Variants in MYT1L observed in about 807,000 individuals in gnomAD.
The protein encoded by MYT1L is myelin transcription factor 1 like, also known as myelin transcription factor 1-like protein.
A neutral mutation model predicts 126.7 loss-of-function variants in MYT1L; 12 were observed. The observed-to-expected ratio is 0.09, with a 90% confidence interval of 0.06 to 0.15. MYT1L has a LOEUF of 0.15. MYT1L is among the 10% of genes least tolerant of loss of function. The pLI is 1.00. For synonymous variants in MYT1L, 541 were observed against 604.2 expected, an observed-to-expected ratio of 0.90 and a Z score of 1.53; for missense variants, 979 against 1,585.2, an observed-to-expected ratio of 0.62 and a Z score of 6.49.
rs114453760 is a variant in MYT1L at position 1,932,641 on chromosome 2, C to T, written c.506-9378G>A. ...AAAATGAAGCAAAATCAAAAGACAA[C>T]GGACAGTACGTGGGATGGGGGGTCG... On this transcript the variant is annotated intron_variant, in intron 9 of 24. Coordinates refer to ENST00000647738, the MANE Select transcript of MYT1L (RefSeq NM_001303052.2). Among the ~76,000 whole-genome samples, 238 of 152,242 alleles carry T rather than the reference C, an allele frequency of 1.6e-3. 1 individual carries two copies. The highest frequency in any genetic ancestry group is 5.5e-3 in the African/African-American group (228 of 41,560).
At chr2:2,024,752 G>A (rs112662099) in intron 4 of MYT1L, among the ~76,000 whole-genome samples, 1,874 of 152,312 alleles carry the variant, frequency 0.012, 41 homozygotes, top group African/African-American at 0.042. Flanking sequence ...GCCAGCCGCA[G>A]TCCACCAATT....
At chr2:2,212,571 A>T (rs2093558197) in intron 2 of MYT1L, among the ~76,000 whole-genome samples, 2 of 152,158 alleles carry the variant, frequency 1.3e-5, no homozygotes, top group African/African-American at 4.8e-5. Flanking sequence ...AGTAAGTATA[A>T]ATGGTATTTA....
At chr2:2,253,620 G>A (rs2094718469) in intron 2 of MYT1L, among the ~76,000 whole-genome samples, 1 of 152,148 alleles carries the variant, frequency 6.6e-6, no homozygotes, top group Admixed American at 6.5e-5. Flanking sequence ...AGAGCTGAGA[G>A]GAGAAAAAAC....
At chr2:2,165,468 A>T (rs1213480345) in intron 3 of MYT1L, among the ~76,000 whole-genome samples, 1 of 152,216 alleles carries the variant, frequency 6.6e-6, no homozygotes, top group Admixed American at 6.5e-5. Flanking sequence ...AGAAGAAAAC[A>T]CATTCTCTCA....
intron 11 of MYT1L, among the ~76,000 whole-genome samples, chr2:1,913,410 G>A (rs1194399006): frequency 6.6e-6 from 1 of 152,132 alleles, no homozygotes; most frequent in Non-Finnish European, 1.5e-5. Flanking sequence ...GGTCACAGGA[G>A]GGTTCCTTTC....
At chr2:2,043,798 T>G (rs1445168879) in intron 4 of MYT1L, among the ~76,000 whole-genome samples, 1 of 152,220 alleles carries the variant, frequency 6.6e-6, no homozygotes, top group East Asian at 1.9e-4. Context: ...AATGCATGAA[T>G]ATGGTACATA....
chr2:2,263,926 G>A (rs2095056675), intron 2 of MYT1L, among the ~76,000 whole-genome samples: 1 of 152,142 alleles, frequency 6.6e-6, no homozygotes, highest in Non-Finnish European at 1.5e-5. Context: ...TCTGCACATT[G>A]TGCACATGTA....
intron 8 of MYT1L, among the ~76,000 whole-genome samples, chr2:1,944,062 G>A (rs2056955484): frequency 6.6e-6 from 1 of 152,084 alleles, no homozygotes; most frequent in Admixed American, 6.6e-5. Flanking sequence ...CTTCCTTACA[G>A]CAGAAGCTCA....
chr2:1,938,565 CCT>C (rs1482643852), intron 9 of MYT1L, among the ~76,000 whole-genome samples: 1 of 152,074 alleles, frequency 6.6e-6, no homozygotes, highest in African/African-American at 2.4e-5. Context: ...GGTATTATCC[CCT>C]GTTGTTCAAA....
In MYT1L at chr2:2,224,122, C is replaced by A. The variant is rs12052817; in HGVS notation, c.-420-51134G>T. The stretch of plus-strand genomic sequence containing the variant: ...TGGGGAGTTATCTAAGGAGGACAAG[C>A]CTGTCTGAGGGCATAACCCCACTTC... On this transcript the variant is annotated intron_variant, in intron 2 of 24. Transcript: ENST00000647738. This position sits in a 1 kb window ranked among gnomAD's most constrained non-coding sequence, Gnocchi z 4.0. Among the ~76,000 whole-genome samples the A allele has an allele frequency of 0.045, 6,859 of 152,230 alleles. 173 individuals are homozygous for A. Among genetic ancestry groups the A allele is most frequent in the Middle Eastern group, 0.099 (29 of 294 alleles).
At position 2,217,690 on chromosome 2, in the gene MYT1L, ACAACAACAACAACAAC is replaced by A. The variant is rs1320630467; in HGVS notation, c.-420-44718_-420-44703del. Among the ~76,000 whole-genome samples the A allele has an allele frequency of 4.1e-3, 462 of 112,442 alleles. 20 individuals carry two copies. The highest frequency in any genetic ancestry group is 0.016 in the African/African-American group (395 of 24,876). 73.8% of individuals were successfully genotyped at this position (112,442 alleles called of 152,430 possible). A position where few individuals can be genotyped will look rare whatever the true frequency, so the allele number is the denominator to read the frequency against. On this transcript the variant is annotated intron_variant, in intron 2 of 24. Transcript: ENST00000647738. ...CATCTCAACAACAACAACAACAACA[ACAACAACAACAACAAC>A]AAAAAAAAAAAAAGAAAGAAGGAAA...
chr2:1,882,603 T>C (rs1295098728), intron 18 of MYT1L, among the ~76,000 whole-genome samples: 1 of 152,188 alleles, frequency 6.6e-6, no homozygotes, highest in Non-Finnish European at 1.5e-5. Flanking sequence ...GCAGTTGTAA[T>C]TCACAGAGTT....
At chr2:2,132,537 A>G (rs888114978) in intron 3 of MYT1L, among the ~76,000 whole-genome samples, 3 of 148,786 alleles carry the variant, frequency 2.0e-5, no homozygotes, top group South Asian at 4.5e-4. Flanking sequence ...GAACACATGG[A>G]CACAGAGAGG....
intron 3 of MYT1L, among the ~76,000 whole-genome samples, chr2:2,121,913 C>G (rs2081069424): frequency 6.6e-6 from 1 of 152,226 alleles, no homozygotes; most frequent in African/African-American, 2.4e-5. Flanking sequence ...GTTTCTGCCA[C>G]ATGAGACCAC....
At chr2:1,908,462 C>T (rs1268754579) in intron 13 of MYT1L, among the ~76,000 whole-genome samples, 3 of 151,756 alleles carry the variant, frequency 2.0e-5, no homozygotes, top group South Asian at 2.1e-4. Context: ...CAGGGCAGCC[C>T]GAAGGTGGGC....
rs73911364 is a variant in MYT1L, at chr2:2,110,540, C to T, written c.-303-56417G>A. Among the ~76,000 whole-genome samples, 1,298 of 151,800 alleles carry T rather than the reference C, an allele frequency of 8.6e-3. 21 individuals carry two copies. The highest frequency in any genetic ancestry group is 0.026 in the African/African-American group (1,082 of 41,358). On this transcript the variant is annotated intron_variant, in intron 3 of 24. Coordinates refer to ENST00000647738, the MANE Select transcript of MYT1L (RefSeq NM_001303052.2). ...CTATTAGCTTTGCCTGTCCCTGCCTCCCTCTGTCCCTGTCCCTCCCTCCCT... is the reference window on the plus strand; with the variant it reads ...CTATTAGCTTTGCCTGTCCCTGCCTTCCTCTGTCCCTGTCCCTCCCTCCCT...
At chr2:2,262,011 T>G (rs73913294) in intron 2 of MYT1L, among the ~76,000 whole-genome samples, 2,450 of 152,292 alleles carry the variant, frequency 0.016, 63 homozygotes, top group African/African-American at 0.056. Context: ...CCAACTCAAA[T>G]TAGAGTCATG....
At chr2:1,970,870 A>C (rs1465224630) in intron 8 of MYT1L, among the ~76,000 whole-genome samples, 30 of 152,212 alleles carry the variant, frequency 2.0e-4, no homozygotes, top group Admixed American at 2.0e-3. Context: ...TTATTAGTTC[A>C]AGAAATCAGA....
At chr2:1,891,866 G>A (rs2048923263) in intron 15 of MYT1L, among the ~76,000 whole-genome samples, 171 bp downstream of exon 15, 1 of 152,192 alleles carries the variant, frequency 6.6e-6, no homozygotes, top group African/African-American at 2.4e-5. Context: ...GGTGTGTTCA[G>A]GCTGCGTTAA....
Sources: gnomAD v4.1 joint callset for allele counts (sites outside exome capture counted in the v4.1 genomes callset) on GRCh38, gnomAD v4.1.1 for gene constraint, Gnocchi (gnomAD v3.1) non-coding constraint, MANE v1.5 for transcripts, NCBI Gene and HGNC (gene_info 2026-07-23, HGNC 2026-07-21) for gene names.